Variants in A1BG observed in about 807,000 individuals in gnomAD.
The protein encoded by A1BG is alpha-1-B glycoprotein, also known as alpha-1B-glycoprotein.
A neutral mutation model predicts 46.0 loss-of-function variants in A1BG; 44 were observed. The ratio of observed to expected loss-of-function variants is 0.96; its 90% CI spans 0.75 to 1.23. The LOEUF (loss-of-function observed/expected upper bound fraction) is 1.23, where lower values mean the gene tolerates loss of function less well. Among genes scored for constraint, A1BG ranks in the 50% most tolerant of loss-of-function variants. The pLI, the probability that A1BG is intolerant of heterozygous loss-of-function variation, is 0.00. For missense variants in A1BG, 707 were observed against 688.8 expected (o/e 1.03, Z -0.30); for synonymous variants, 316 against 314.7 (o/e 1.00, Z -0.04).
In A1BG at chr19:58,351,689, T is replaced by C. The variant is rs1207978259; in HGVS notation, c.614-2A>G. ...TCAGCACAGGCGGTGGTGGTGCAGCTGCAATGCAGGCAGCATTACTAGGCT... is the reference window on the plus strand; with the variant it reads ...TCAGCACAGGCGGTGGTGGTGCAGCCGCAATGCAGGCAGCATTACTAGGCT... On this transcript the variant is annotated splice_acceptor_variant, in intron 4 of 7. Transcript: ENST00000263100. LOFTEE classifies it high-confidence loss of function. 3.8e-6 allele frequency: 6 copies of C among 1,576,994 alleles called. No individual in the cohort carries two copies. In the African/African-American group the frequency reaches 8.1e-5, roughly 21 times the overall value.
chr19:58,352,294 A>G lies in A1BG; in HGVS notation c.602T>C (p.Ile201Thr), dbSNP rs1488563062. The change falls in exon 4 of 8, where the codon ATT becomes ACT. Residue 201 changes from isoleucine to threonine, a missense_variant. By Grantham distance (89) the Ile-to-Thr change is moderately conservative (BLOSUM62 -1). Transcript: ENST00000263100. ...GTTCCCACAGTCACCGAGCTCCTCA[A>G]TGGTCACAGTAGCGCTGGGCTCAGA... ...ALSEPSATVT[I>T]EELAAPPPPV... The G allele has an allele frequency of 5.6e-6, 9 of 1,613,664 alleles. No individual in the cohort carries two copies. The highest frequency in any genetic ancestry group is 3.3e-4 in the Middle Eastern group (2 of 5,994).
At chr19:58,352,039 T>C in intron 4 of A1BG, 1 of 1,331,028 alleles carries the variant, frequency 7.5e-7, no homozygotes, top group East Asian at 2.6e-5. Context: ...CATGATCCGC[T>C]GGCCTCAGCC....
intron 6 of A1BG, 49 bp from the exon 7 acceptor site, chr19:58,347,689 C>CCCAGGCCGCG (rs1555779294): frequency 9.0e-5 from 39 of 431,690 alleles, no homozygotes; most frequent in Middle Eastern, 1.1e-3. Context: ...CCAGGCCACG[C>CCCAGGCCGCG]CCCAGGCCAC....
chr19:58,351,156 G>GGT, intron 5 of A1BG: 1 of 602,420 alleles, frequency 1.7e-6, no homozygotes, highest in Non-Finnish European at 2.9e-6. Context: ...CCTGCCAGGT[G>GGT]GTGCCCCCTG....
rs2051984100 is a variant in A1BG at position 58,353,327 on chromosome 19, C to A, written c.35G>T (p.Gly12Val). Residue 12 changes from glycine to valine, a missense_variant and splice_region_variant, in exon 2 of 8, where the codon GGT becomes GTT. Gly to Val is a moderately radical substitution (Grantham distance 109). Transcript: ENST00000263100. The stretch of plus-strand genomic sequence containing the variant: ...TTCTGTCACTGGGCCCCAGGTGACA[C>A]CTGCGGAGACAGCCCCCGTAAGGCT... The part of the protein sequence containing the change: ...SMLVVFLLLW[G>V]VTWGPVTEAA... The A allele has an allele frequency of 6.2e-7, 1 of 1,611,882 alleles. No individual in the cohort carries two copies. Among genetic ancestry groups the A allele is most frequent in the African/African-American group, 1.3e-5 (1 of 75,004 alleles).
rs144305381 is a variant in A1BG at position 58,352,993 on chromosome 19, C to T, written c.275G>A (p.Arg92His). The T allele has an allele frequency of 4.6e-5, 74 of 1,613,956 alleles. No homozygotes were observed. In the African/African-American group the frequency reaches 6.4e-4, roughly 14 times the overall value. ...TCCTGTGGACAAGCCCGAGCGGCAG[C>T]GGTAGCGGCCCTGGGTGTCACCCGT... ...LLTGDTQGRY[R>H]CRSGLSTGWT... The change falls in exon 3 of 8, where the codon CGC (arginine) becomes CAC (histidine). Residue 92 changes from arginine to histidine, a missense_variant. Coordinates refer to ENST00000263100, the MANE Select transcript of A1BG (RefSeq NM_130786.4).
At chr19:58,353,243 T>TTC (rs1568555139) in intron 2 of A1BG, 46 bp from the exon 3 acceptor site, 1 of 1,611,676 alleles carries the variant, frequency 6.2e-7, no homozygotes, top group African/African-American at 1.3e-5. Flanking sequence ...GAGACAGGGC[T>TTC]CCCCCCCGGC....
intron 6 of A1BG, 47 bp downstream of exon 6, chr19:58,350,322 AG>A (rs2051945866): frequency 6.7e-7 from 1 of 1,498,758 alleles, no homozygotes; most frequent in South Asian, 1.3e-5. Context: ...GGAGGCCCCG[AG>A]GGGCACTGAA....
intron 3 of A1BG, 79 bp downstream of exon 3, chr19:58,352,849 G>T: frequency 7.2e-6 from 11 of 1,522,908 alleles, no homozygotes; most frequent in Non-Finnish European, 9.7e-6. Flanking sequence ...AGAGACATCG[G>T]GTGACTTGGA....
chr19:58,347,539 A>G lies in A1BG; in HGVS notation c.1294T>C (p.Phe432Leu). Residue 432 changes from phenylalanine to leucine, a missense_variant, in exon 7 of 8, where the codon TTC becomes CTC. Phe to Leu is a conservative substitution (Grantham distance 22). Transcript: ENST00000263100. ...GTCTCGCCCTCGCGCAGCAGCTCGAAGGTGACGTCGGGGATGGGTCCCTCG... is the reference window on the plus strand; with the variant it reads ...GTCTCGCCCTCGCGCAGCAGCTCGAGGGTGACGTCGGGGATGGGTCCCTCG... ...RCEGPIPDVT[F>L]ELLREGETKA... 6.4e-7 allele frequency: 1 copy of G among 1,574,782 alleles called. No individual in the cohort carries two copies. Among genetic ancestry groups the G allele is most frequent in the Non-Finnish European group, 8.6e-7 (1 of 1,161,930 alleles).
Position 58,353,485 on chromosome 19 carries a change from G to A in A1BG, c.-48C>T, listed in dbSNP as rs1327211718. ...CAGTGAGTGTCTGGGGTGAGCGTCTGCAGCAATGAGGCCCCAAGGGAGGGC... is the reference window on the plus strand; with the variant it reads ...CAGTGAGTGTCTGGGGTGAGCGTCTACAGCAATGAGGCCCCAAGGGAGGGC... On this transcript the variant is annotated 5_prime_UTR_variant, in exon 1 of 8. Coordinates refer to ENST00000263100, the MANE Select transcript of A1BG (RefSeq NM_130786.4). The A allele has an allele frequency of 4.5e-6, 7 of 1,560,086 alleles. No individual in the cohort carries two copies. The Admixed American group carries it at 5.7e-5, about 13-fold the overall frequency.
chr19:58,351,305 C>G, intron 5 of A1BG, 86 bp downstream of exon 5: 1 of 1,525,266 alleles, frequency 6.6e-7, no homozygotes, highest in South Asian at 1.2e-5. Context: ...GCCCAGAGCA[C>G]TGCACTTCCC....
Position 58,353,306 on chromosome 19 carries a change from G to C in A1BG, c.56C>G (p.Thr19Arg). The part of the protein sequence containing the change: ...LLWGVTWGPV[T>R]EAAIFYETQP... ...CCTGCACTCACATATGGCTGCTTCT[G>C]TCACTGGGCCCCAGGTGACACCTGC... The change falls in exon 2 of 8, where the codon ACA (threonine) becomes AGA (arginine). Residue 19 changes from threonine (T) to arginine (R), a missense_variant. Thr to Arg is a moderately conservative substitution (Grantham distance 71, BLOSUM62 -1). Transcript: ENST00000263100. 6.2e-7 allele frequency: 1 copy of C among 1,613,272 alleles called. No homozygotes were observed. The highest frequency in any genetic ancestry group is 8.5e-7 in the Non-Finnish European group (1 of 1,179,740).
At chr19:58,347,120 C>T in intron 7 of A1BG, 91 bp from the exon 8 acceptor site, 5 of 1,524,540 alleles carry the variant, frequency 3.3e-6, no homozygotes, top group South Asian at 2.3e-5. Flanking sequence ...CCTGACGCCC[C>T]CCCGGAAGGA....
At chr19:58,347,059 G>A (rs1600501860) in intron 7 of A1BG, 30 bp from the exon 8 acceptor site, 1 of 1,613,902 alleles carries the variant, frequency 6.2e-7, no homozygotes, top group East Asian at 2.2e-5. Context: ...AGAAATGGTG[G>A]AGGAGGGGAA....
Position 58,346,998 on chromosome 19 carries a change from C to T in A1BG, c.*24G>A. On this transcript the variant is annotated 3_prime_UTR_variant, in exon 8 of 8. Transcript: ENST00000263100. ...TCCCCGGCACTTCTGAGGACACCAA[C>T]AGCACCCTGGGCCCGCGGCTGCATC... The T allele has an allele frequency of 1.2e-6, 2 of 1,614,100 alleles. No individual in the cohort carries two copies. The highest frequency in any genetic ancestry group is 1.7e-6 in the Non-Finnish European group (2 of 1,179,974).
chr19:58,352,338 G>A lies in A1BG; in HGVS notation c.558C>T (p.Thr186=), dbSNP rs746097204. ...QPGNYSCSYR[T]DGEGALSEPS... ...GCTCAGAGAGGGCGCCTTCCCCATC[G>A]GTCCGGTAGCTGCAGCTGTAGTTGC... Residue 186 remains threonine, a synonymous_variant, in exon 4 of 8, where the codon ACC becomes ACT. Coordinates refer to ENST00000263100, the MANE Select transcript of A1BG (RefSeq NM_130786.4). 1.5e-5 allele frequency: 24 copies of A among 1,613,862 alleles called. No homozygotes were observed. Among genetic ancestry groups the A allele is most frequent in the African/African-American group, 5.3e-5 (4 of 74,894 alleles).
chr19:58,347,262 G>A lies in A1BG; in HGVS notation c.1480+91C>T, dbSNP rs1288055048. 15 of 1,559,230 alleles carry A rather than the reference G, an allele frequency of 9.6e-6. No homozygotes were observed. The Admixed American group carries it at 2.6e-4, about 27-fold the overall frequency. ...CAGCGCTAACCAGGGGTGCCCAAGG[G>A]AGGAGCCGGGAGAGGCCCTCCTGGA... On this transcript the variant is annotated intron_variant, in intron 7 of 7. Coordinates refer to ENST00000263100, the MANE Select transcript of A1BG (RefSeq NM_130786.4).
Position 58,350,492 on chromosome 19 carries a change from G to T in A1BG, c.1070C>A (p.Ala357Glu), listed in dbSNP as rs1433781988. 2 of 1,556,124 alleles carry T rather than the reference G, an allele frequency of 1.3e-6. No homozygotes were observed. The highest frequency in any genetic ancestry group is 1.2e-5 in the South Asian group (1 of 84,478). Residue 357 changes from alanine to glutamate, a missense_variant, in exon 6 of 8, where the codon GCG becomes GAG. Physicochemically the swap from Ala to Glu is moderately radical, Grantham distance 107. Transcript: ENST00000263100. The stretch of plus-strand genomic sequence containing the variant: ...GGAAATGTTGTGCAGCTCGAAGAGC[G>T]CCTCGGTCCCAGCGGGGCTCTGGAA... ...HRFQSPAGTE[A>E]LFELHNISVA...
Sources: allele counts gnomAD v4.1 joint callset, GRCh38; gene constraint gnomAD v4.1.1; transcripts MANE v1.5; gene names NCBI Gene and HGNC (gene_info 2026-07-23, HGNC 2026-07-21).